Variants in MYPN observed in about 807,000 individuals in gnomAD.
MYPN encodes the protein sarcomeric protein myopalladin, 145 kDa (MYOP).
MYPN carries 63 observed loss-of-function variants against 129.4 expected under a neutral mutation model. That is an observed-to-expected ratio of 0.49 (90% confidence interval 0.40 to 0.60). The LOEUF (loss-of-function observed/expected upper bound fraction) is 0.60. MYPN is among the 20% of genes least tolerant of loss of function. The pLI, the probability that MYPN is intolerant of heterozygous loss-of-function variation, is 0.00. For synonymous variants in MYPN, 629 were observed against 600.9 expected (o/e 1.05, Z -0.68); for missense variants, 1,596 against 1,635.4 (o/e 0.98, Z 0.42).
At chr10:68,135,790 C>G (rs545324120) in intron 2 of MYPN, among the ~76,000 whole-genome samples, 1 of 152,210 alleles carries the variant, frequency 6.6e-6, no homozygotes, top group Non-Finnish European at 1.5e-5. Context: ...GTAAACAAAA[C>G]AAATGAGATA....
At chr10:68,090,571 C>T (rs1027945334) in intron 1 of MYPN, among the ~76,000 whole-genome samples, 7 of 152,106 alleles carry the variant, frequency 4.6e-5, no homozygotes, top group African/African-American at 1.7e-4. Flanking sequence ...TTTCATATCC[C>T]GGACTAGGAG....
At chr10:68,153,336 A>G (rs935530253) in intron 6 of MYPN, among the ~76,000 whole-genome samples, 1 of 152,184 alleles carries the variant, frequency 6.6e-6, no homozygotes, top group African/African-American at 2.4e-5. Context: ...CCACAGATTG[A>G]GCTGCCTTTG....
At chr10:68,161,819 G>T in intron 8 of MYPN, 67 bp downstream of exon 8, 1 of 1,210,830 alleles carries the variant, frequency 8.3e-7, no homozygotes, top group South Asian at 1.3e-5. Flanking sequence ...AATACATAAT[G>T]AAGTTACACT....
intron 18 of MYPN, among the ~76,000 whole-genome samples, chr10:68,202,627 A>G (rs559278801): frequency 3.3e-5 from 5 of 152,314 alleles, no homozygotes; most frequent in Non-Finnish European, 7.4e-5. Context: ...TTAAGGATCC[A>G]GTTTCTTAAA....
At chr10:68,145,276 G>A (rs760816159) in intron 3 of MYPN, among the ~76,000 whole-genome samples, 199 bp from the exon 4 acceptor site, 7 of 151,906 alleles carry the variant, frequency 4.6e-5, no homozygotes, top group East Asian at 1.9e-4. Context: ...CACCCCCCTC[G>A]GCCTCCCAAA....
Position 68,195,446 on chromosome 10 carries a change from T to C in MYPN, c.3076-4T>C. On this transcript the variant is annotated splice_region_variant and splice_polypyrimidine_tract_variant and intron_variant, in intron 14 of 19. Coordinates refer to ENST00000358913, the MANE Select transcript of MYPN (RefSeq NM_032578.4). ...TTTAATCTTGCTCTTTTTCTGTTTG[T>C]CAGGGGAGAATCAGCTGTTCTGGCC... 1 of 1,613,818 alleles carries C rather than the reference T, an allele frequency of 6.2e-7. No individual in the cohort carries two copies. Among genetic ancestry groups the C allele is most frequent in the Non-Finnish European group, 8.5e-7 (1 of 1,179,698 alleles).
At chr10:68,096,545 G>T (rs1043370595) in intron 1 of MYPN, among the ~76,000 whole-genome samples, 2 of 152,212 alleles carry the variant, frequency 1.3e-5, no homozygotes, top group African/African-American at 4.8e-5. Context: ...CTGAGTGACA[G>T]AGTGAGGCAA....
At chr10:68,152,982 T>TTTTATTTTATTTTATTTTATTTTA (rs1564665903) in intron 6 of MYPN, among the ~76,000 whole-genome samples, 24 of 64,804 alleles carry the variant, frequency 3.7e-4, no homozygotes, top group African/African-American at 7.3e-4. Context: ...ATTTTATTTA[T>TTTTATTTTATTTTATTTTATTTTA]TTTATTTTAT....
rs1237454804 is a variant in MYPN at position 68,109,664 on chromosome 10, A to G, written c.-61A>G. ...ATCTAAAAGTTCTCCCTGGATAATT[A>G]TCATTGCAGTGGAGTGCCTGGATTG... On this transcript the variant is annotated 5_prime_UTR_variant, in exon 1 of 20. Coordinates refer to ENST00000358913, the MANE Select transcript of MYPN (RefSeq NM_032578.4). 6 of 453,996 alleles carry G rather than the reference A, an allele frequency of 1.3e-5. No homozygotes were observed. Among genetic ancestry groups the G allele is most frequent in the African/African-American group, 2.0e-5 (1 of 49,998 alleles). The allele number at this position is 453,996 out of a possible 1,614,324, so 28.1% of individuals were successfully genotyped here.
intron 2 of MYPN, among the ~76,000 whole-genome samples, chr10:68,140,102 C>A (rs570333297): frequency 2.6e-5 from 4 of 152,092 alleles, no homozygotes; most frequent in Non-Finnish European, 4.4e-5. Context: ...TGAGAAGGAC[C>A]TATCTTTGTA....
intron 1 of MYPN, among the ~76,000 whole-genome samples, chr10:68,094,586 G>C (rs1422198467): frequency 6.6e-6 from 1 of 152,050 alleles, no homozygotes; most frequent in East Asian, 1.9e-4. Context: ...ATTTTACCCA[G>C]CCCCTATTCG....
chr10:68,137,644 T>C (rs945726111), intron 2 of MYPN, among the ~76,000 whole-genome samples: 4 of 152,144 alleles, frequency 2.6e-5, no homozygotes, highest in Admixed American at 2.6e-4. Flanking sequence ...CTGATTTCAT[T>C]AAAAAAATTT....
chr10:68,131,178 C>T (rs374436511), intron 2 of MYPN, among the ~76,000 whole-genome samples: 10 of 152,258 alleles, frequency 6.6e-5, no homozygotes, highest in African/African-American at 2.4e-4. Context: ...CACTTGAGGT[C>T]AGGAGTTCGA....
chr10:68,169,364 A>T (rs1481616851), intron 10 of MYPN, among the ~76,000 whole-genome samples: 1 of 41,684 alleles, frequency 2.4e-5, no homozygotes, highest in Non-Finnish European at 7.6e-5. Flanking sequence ...TCTCAAATTA[A>T]AAAAAAAAAA....
At chr10:68,111,191 T>C (rs896861645) in intron 1 of MYPN, among the ~76,000 whole-genome samples, 21 of 152,206 alleles carry the variant, frequency 1.4e-4, no homozygotes, top group African/African-American at 4.8e-4. Flanking sequence ...AGTGGTAGTT[T>C]TTGCAAATTT....
chr10:68,150,671 G>C (rs2042754379), intron 6 of MYPN, among the ~76,000 whole-genome samples: 1 of 152,184 alleles, frequency 6.6e-6, no homozygotes, highest in South Asian at 2.1e-4. Context: ...GGGAGGGCCA[G>C]AGAGATGAAG....
intron 18 of MYPN, among the ~76,000 whole-genome samples, chr10:68,203,656 C>T (rs1186122230): frequency 6.6e-6 from 1 of 151,130 alleles, no homozygotes; most frequent in Admixed American, 6.6e-5. Context: ...AACCACACAC[C>T]TAGGAACATC....
intron 17 of MYPN, 125 bp downstream of exon 17, chr10:68,199,700 C>T (rs2043677931): frequency 1.1e-6 from 1 of 937,832 alleles, no homozygotes; most frequent in Non-Finnish European, 1.7e-6. Context: ...TTCCCCTTCA[C>T]TGTGGTAGGG....
chr10:68,143,190 G>A lies in MYPN; in HGVS notation c.1078+75G>A, dbSNP rs532686522. On this transcript the variant is annotated intron_variant, in intron 3 of 19. Coordinates refer to ENST00000358913, the MANE Select transcript of MYPN (RefSeq NM_032578.4). ...TTATAATAAATAAATATTTATTGAG[G>A]GCCTCCTCTACCATGCGCTCTTCTA... 9.2e-6 allele frequency: 13 copies of A among 1,414,524 alleles called. No individual in the cohort carries two copies. The African/African-American group carries it at 1.6e-4, about 17-fold the overall frequency. 87.6% of individuals were successfully genotyped at this position (1,414,524 alleles called of 1,614,324 possible).
Sources: gnomAD v4.1 joint callset for allele counts (sites outside exome capture counted in the v4.1 genomes callset) on GRCh38, gnomAD v4.1.1 for gene constraint, MANE v1.5 for transcripts, NCBI Gene and HGNC (gene_info 2026-07-23, HGNC 2026-07-21) for gene names.